MGAM: variants seen among roughly 807,000 people sequenced by gnomAD.
MGAM encodes the protein maltase-glucoamylase.
A neutral mutation model predicts 358.8 loss-of-function variants in MGAM; 253 were observed. That is an observed-to-expected ratio of 0.71 (90% CI 0.64 to 0.78). The LOEUF is 0.78. MGAM is among the 30% of genes least tolerant of loss of function. The pLI is 0.00. For synonymous variants in MGAM, 1,105 were observed against 1,227.1 expected, an observed-to-expected ratio of 0.90 and a Z score of 2.08; for missense variants, 3,080 against 3,432.6, an observed-to-expected ratio of 0.90 and a Z score of 2.57.
Position 142,106,088 on chromosome 7 carries a change from G to A in MGAM, c.*197G>A. ...CTGTGGGATAGGCAGTTAGGGAGGTGTGGAAAATCTATGCATTACCTTAAT... is the reference window on the plus strand; with the variant it reads ...CTGTGGGATAGGCAGTTAGGGAGGTATGGAAAATCTATGCATTACCTTAAT... On this transcript the variant is annotated 3_prime_UTR_variant, in exon 71 of 71. Transcript: ENST00000475668. The A allele has an allele frequency of 2.0e-6, 1 of 495,228 alleles. No individual in the cohort carries two copies. Among genetic ancestry groups the A allele is most frequent in the Non-Finnish European group, 3.7e-6 (1 of 270,762 alleles). 30.7% of individuals were successfully genotyped at this position (495,228 alleles called of 1,614,324 possible). A position where few individuals can be genotyped will look rare whatever the true frequency, so the allele number is the denominator to read the frequency against.
rs1554465818 is a variant in MGAM, at chr7:142,036,299, G to T, written c.2076+14G>T. On this transcript the variant is annotated intron_variant, in intron 17 of 70. Transcript: ENST00000475668. ...CAAGGCTACAAGGTAAGGCTCCTAG[G>T]ACATAGAGTCAGAATAAATTTGGCA... The T allele has an allele frequency of 6.4e-7, 1 of 1,570,598 alleles. No individual in the cohort carries two copies. Among genetic ancestry groups the T allele is most frequent in the Non-Finnish European group, 8.7e-7 (1 of 1,150,568 alleles).
Position 142,060,293 on chromosome 7 carries a change from A to G in MGAM, c.4060-18A>G, listed in dbSNP as rs1812026985. On this transcript the variant is annotated intron_variant, in intron 33 of 70. Transcript: ENST00000475668. Reference sequence around the variant, plus strand: ...AAATTGTCTAGTGCATCGCTACTGAACGTATTTCTCTCCATAGGTCTGGCC... The same window carrying G: ...AAATTGTCTAGTGCATCGCTACTGAGCGTATTTCTCTCCATAGGTCTGGCC... 4 of 1,612,954 alleles carry G rather than the reference A, an allele frequency of 2.5e-6. No homozygotes were observed. Among genetic ancestry groups the G allele is most frequent in the Non-Finnish European group, 3.4e-6 (4 of 1,179,010 alleles).
At chr7:142,052,188 A>G in intron 24 of MGAM, 106 bp from the exon 25 acceptor site, 3 of 957,992 alleles carry the variant, frequency 3.1e-6, no homozygotes, top group Non-Finnish European at 4.5e-6. Context: ...GGATGTTTGA[A>G]AGTCTGGTCT....
intron 51 of MGAM, 90 bp downstream of exon 51, chr7:142,082,300 G>T (rs1814379148): frequency 7.0e-7 from 1 of 1,438,838 alleles, no homozygotes; most frequent in Admixed American, 2.0e-5. Context: ...ACTCCACTTG[G>T]TCGTCACATT....
At chr7:142,063,245 A>G (rs1812402734) in intron 35 of MGAM, among the ~76,000 whole-genome samples, 1 of 151,770 alleles carries the variant, frequency 6.6e-6, no homozygotes, top group African/African-American at 2.4e-5. Flanking sequence ...GCAATTTACT[A>G]GGAATTTCTG....
chr7:142,033,382 T>G (rs2129005523), intron 14 of MGAM, among the ~76,000 whole-genome samples: 1 of 152,320 alleles, frequency 6.6e-6, no homozygotes, highest in African/African-American at 2.4e-5. Flanking sequence ...GTGATGATAC[T>G]CAGCTTTGAT....
At chr7:142,017,385 A>G (rs1806051489) in intron 3 of MGAM, among the ~76,000 whole-genome samples, 1 of 151,960 alleles carries the variant, frequency 6.6e-6, no homozygotes, top group Non-Finnish European at 1.5e-5. Flanking sequence ...GGTTTTACAT[A>G]GTTTGCTTTG....
At position 142,105,900 on chromosome 7, in the gene MGAM, A is replaced by G; in HGVS notation, c.*9A>G. 6.3e-7 allele frequency: 1 copy of G among 1,588,032 alleles called. No homozygotes were observed. The highest frequency in any genetic ancestry group is 1.1e-5 in the South Asian group (1 of 90,432). On this transcript the variant is annotated 3_prime_UTR_variant, in exon 71 of 71. Transcript: ENST00000475668. The stretch of plus-strand genomic sequence containing the variant: ...GGATAAGCACTCTGTGAATTTTTAC[A>G]GCAAGATTCTAACTAACTATGAATG...
At chr7:142,017,633 G>T (rs984065629) in intron 3 of MGAM, among the ~76,000 whole-genome samples, 2 of 151,980 alleles carry the variant, frequency 1.3e-5, no homozygotes, top group African/African-American at 2.4e-5. Flanking sequence ...TTATGCTGAG[G>T]TTTCCTCTGA....
intron 57 of MGAM, among the ~76,000 whole-genome samples, chr7:142,090,911 T>C (rs566113714): frequency 6.8e-6 from 1 of 146,192 alleles, no homozygotes; most frequent in East Asian, 2.0e-4. Flanking sequence ...CAGATGAATA[T>C]AAAACAAGCT....
chr7:141,996,673 G>A (rs1026700565), intron 1 of MGAM, among the ~76,000 whole-genome samples: 2 of 152,180 alleles, frequency 1.3e-5, no homozygotes, highest in Non-Finnish European at 2.9e-5. Context: ...AAATGTAACT[G>A]AAGAACCAAT....
intron 57 of MGAM, among the ~76,000 whole-genome samples, chr7:142,088,112 G>C (rs1321880433): frequency 2.0e-5 from 3 of 146,382 alleles, no homozygotes; most frequent in African/African-American, 7.3e-5. Context: ...AGCTCTGATA[G>C]GGTAGGGAGA....
At chr7:142,019,975 A>G (rs1473271217) in intron 4 of MGAM, among the ~76,000 whole-genome samples, 1 of 152,070 alleles carries the variant, frequency 6.6e-6, no homozygotes, top group African/African-American at 2.4e-5. Context: ...AGGCTGAGCC[A>G]GGAGAATCGC....
chr7:142,034,315 C>T lies in MGAM; in HGVS notation c.1723C>T (p.His575Tyr). Residue 575 changes from histidine (H) to tyrosine (Y), a missense_variant, in exon 15 of 71, where the codon CAC becomes TAC. Coordinates refer to ENST00000475668, the MANE Select transcript of MGAM (RefSeq NM_001365693.1). ...CKTLCMDAVQHWGKQYDIHNL... is the reference protein window; with the variant it reads ...CKTLCMDAVQYWGKQYDIHNL... ...GACTCTCTGTATGGATGCAGTGCAGCACTGGGGCAAGCAGTATGACATTCA... is the reference window on the plus strand; with the variant it reads ...GACTCTCTGTATGGATGCAGTGCAGTACTGGGGCAAGCAGTATGACATTCA... The T allele has an allele frequency of 6.3e-7, 1 of 1,599,552 alleles. No homozygotes were observed. The highest frequency in any genetic ancestry group is 8.5e-7 in the Non-Finnish European group (1 of 1,172,846).
At chr7:142,032,556 T>C (rs1433639440) in intron 13 of MGAM, among the ~76,000 whole-genome samples, 1 of 152,158 alleles carries the variant, frequency 6.6e-6, no homozygotes. Context: ...CATGTCATCA[T>C]ATAAATTGAA....
intron 57 of MGAM, among the ~76,000 whole-genome samples, chr7:142,088,731 GTCTGTCTGTCTGTCTGTCTATCTA>G (rs1193954041): frequency 1.1e-5 from 1 of 88,958 alleles, no homozygotes; most frequent in African/African-American, 5.2e-5. Context: ...ATGTCTGTCT[GTCTGTCTGTCTGTCTGTCTATCTA>G]TCTATCTATC....
rs1259100240 is a variant in MGAM at position 142,031,780 on chromosome 7, A to G, written c.1571A>G (p.Asp524Gly). The G allele has an allele frequency of 1.2e-6, 2 of 1,602,906 alleles. No individual in the cohort carries two copies. The highest frequency in any genetic ancestry group is 4.5e-5 in the East Asian group (2 of 44,784). ...FELFHNQVEFDGIWIDMNEVS... is the reference protein window; with the variant it reads ...FELFHNQVEFGGIWIDMNEVS... ...CTTTTTCACAATCAAGTAGAGTTTG[A>G]TGGAATCTGGATTGTGAGTTGTTTA... The change falls in exon 13 of 71, where the codon GAT (aspartate) becomes GGT (glycine). Residue 524 changes from aspartate to glycine, a missense_variant. Transcript: ENST00000475668.
rs775629746 is a variant in MGAM at position 142,062,654 on chromosome 7, C to A, written c.4209C>A (p.Asn1403Lys). The change falls in exon 35 of 71, where the codon AAC becomes AAA. Residue 1403 changes from asparagine to lysine, a missense_variant. Asn to Lys is a moderately conservative substitution (Grantham distance 94). Transcript: ENST00000475668. ...WWKREIEELYNNPQNPERSLK... is the reference protein window; with the variant it reads ...WWKREIEELYKNPQNPERSLK... ...AGAGGGAAATAGAAGAACTATACAA[C>A]AATCCACAGAATCCAGAGAGGAGCT... is the stretch of plus-strand genomic sequence containing the variant. The A allele has an allele frequency of 6.2e-7, 1 of 1,612,436 alleles. No individual in the cohort carries two copies. Among genetic ancestry groups the A allele is most frequent in the Admixed American group, 1.7e-5 (1 of 59,838 alleles).
chr7:142,054,684 A>G lies in MGAM; in HGVS notation c.3160-70A>G, dbSNP rs551317041. 1.0e-4 allele frequency: 157 copies of G among 1,508,904 alleles called. 4 individuals carry two copies. The South Asian group carries it at 2.0e-3, about 19-fold the overall frequency. The allele number at this position is 1,508,904 out of a possible 1,614,324, so 93.5% of individuals were successfully genotyped here. A position where few individuals can be genotyped will look rare whatever the true frequency, so the allele number is the denominator to read the frequency against. On this transcript the variant is annotated intron_variant, in intron 26 of 70. Transcript: ENST00000475668. ...ATCTGAACTTTGTGTCCAAAAATCA[A>G]AAAGGTTCTGCTAAGGGTATAGGTT...
Sources: allele counts gnomAD v4.1 joint callset (sites outside exome capture counted in the v4.1 genomes callset), GRCh38; gene constraint gnomAD v4.1.1; transcripts MANE v1.5; gene names NCBI Gene and HGNC (gene_info 2026-07-23, HGNC 2026-07-21).